Variants in CD226 observed in about 807,000 individuals in gnomAD.
CD226 encodes the protein CD226 antigen.
In CD226, 24 loss-of-function variants were observed where a neutral mutation model predicts 34.9. The ratio of observed to expected loss-of-function variants is 0.69; its 90% CI spans 0.50 to 0.97. The LOEUF is 0.97. Among genes scored for constraint, CD226 ranks in the 50% least tolerant of loss-of-function variants. The probability of loss-of-function intolerance (pLI) is 0.00; values close to 1 mark genes in which losing one functional copy is unlikely to be tolerated. For synonymous variants in CD226, 148 were observed against 147.4 expected, an observed-to-expected ratio of 1.00 and a Z score of -0.03; for missense variants, 397 against 412.7, an observed-to-expected ratio of 0.96 and a Z score of 0.33.
intron 2 of CD226, among the ~76,000 whole-genome samples, chr18:69,942,395 C>T (rs2055737020): frequency 6.6e-6 from 1 of 152,226 alleles, no homozygotes; most frequent in African/African-American, 2.4e-5. Context: ...TCCTAAAAGA[C>T]TGCAGCTAGT....
upstream of CD226, among the ~76,000 whole-genome samples, chr18:69,961,234 A>C (rs2055928260): frequency 6.6e-6 from 1 of 152,250 alleles, no homozygotes; most frequent in African/African-American, 2.4e-5. Context: ...TAAACAAAGA[A>C]ATTTGCTAAT....
intron 2 of CD226, among the ~76,000 whole-genome samples, chr18:69,942,210 C>T (rs1258116725): frequency 1.3e-5 from 2 of 152,222 alleles, no homozygotes; most frequent in Admixed American, 6.5e-5. Context: ...TAGACTAATA[C>T]ATCATGTGAG....
chr18:69,961,151 G>A (rs368893654), upstream of CD226, among the ~76,000 whole-genome samples: 6 of 152,142 alleles, frequency 3.9e-5, no homozygotes, highest in Non-Finnish European at 5.9e-5. Flanking sequence ...AAATTTACAC[G>A]TGTATGTATA....
chr18:69,924,692 C>CAAAAAAAAAAAAAA (rs56118102), intron 2 of CD226, among the ~76,000 whole-genome samples: 8 of 57,122 alleles, frequency 1.4e-4, no homozygotes, highest in Non-Finnish European at 2.2e-4. Context: ...AAGGTATTGC[C>CAAAAAAAAAAAAAA]AAAAAAAAAA....
At chr18:69,957,174 C>G (rs1480769427), upstream of CD226, 1 of 152,160 alleles carries the variant, frequency 6.6e-6, no homozygotes, top group African/African-American at 2.4e-5. Flanking sequence ...CTCCTTTGTT[C>G]TAGCTCTAAA....
chr18:69,907,125 C>G (rs1019920903), intron 2 of CD226, among the ~76,000 whole-genome samples: 1 of 152,312 alleles, frequency 6.6e-6, no homozygotes, highest in African/African-American at 2.4e-5. Context: ...CCTTCCCTTT[C>G]CAATCCAGAT....
chr18:69,959,310 T>G (rs2055918734), upstream of CD226, among the ~76,000 whole-genome samples: 1 of 152,170 alleles, frequency 6.6e-6, no homozygotes, highest in Non-Finnish European at 1.5e-5. Flanking sequence ...AGATTACCAC[T>G]CAGAGATCAA....
At chr18:69,944,868 T>A (rs1461724789) in intron 2 of CD226, among the ~76,000 whole-genome samples, 1 of 152,234 alleles carries the variant, frequency 6.6e-6, no homozygotes, top group Non-Finnish European at 1.5e-5. Flanking sequence ...AGAAACATTG[T>A]AAATTGACAC....
At chr18:69,891,244 TA>T (rs1259535786) in intron 3 of CD226, among the ~76,000 whole-genome samples, 2 of 151,046 alleles carry the variant, frequency 1.3e-5, no homozygotes, top group African/African-American at 4.9e-5. Context: ...ATCATCAAAA[TA>T]GAGCATAAAA....
intron 2 of CD226, among the ~76,000 whole-genome samples, chr18:69,944,236 A>G (rs1381236237): frequency 6.6e-6 from 1 of 152,220 alleles, no homozygotes; most frequent in Non-Finnish European, 1.5e-5. Flanking sequence ...TAAAATACAA[A>G]TAATCAAAAC....
chr18:69,959,163 TAATAA>T (rs1348016592), upstream of CD226, among the ~76,000 whole-genome samples: 4 of 152,196 alleles, frequency 2.6e-5, no homozygotes, highest in Non-Finnish European at 5.9e-5. Flanking sequence ...ACATGATCGA[TAATAA>T]ATTACAAAAC....
At chr18:69,922,908 G>C (rs187431536) in intron 2 of CD226, among the ~76,000 whole-genome samples, 1 of 152,274 alleles carries the variant, frequency 6.6e-6, no homozygotes, top group East Asian at 1.9e-4. Context: ...AAGGCAGGCA[G>C]ATCGCCTAAG....
In CD226 at chr18:69,858,718, C is replaced by CTTTTTTTTTTTTTTTTTTT. The variant is rs71178826; in HGVS notation, c.*5577_*5595dup. The CTTTTTTTTTTTTTTTTTTT allele has an allele frequency of 1.6e-4, 7 of 44,942 alleles. 2 individuals are homozygous for CTTTTTTTTTTTTTTTTTTT. The highest frequency in any genetic ancestry group is 7.5e-4 in the Admixed American group (2 of 2,654). 2.8% of individuals were successfully genotyped at this position (44,942 alleles called of 1,614,324 possible). A position where few individuals can be genotyped will look rare whatever the true frequency, so the allele number is the denominator to read the frequency against. On this transcript the variant is annotated 3_prime_UTR_variant, in exon 6 of 6. Coordinates refer to ENST00000582621, the MANE Select transcript of CD226 (RefSeq NM_001303618.2). ...GCCACCCCTATGTTCAAATACTTAA[C>CTTTTTTTTTTTTTTTTTTT]TTTTTTTTTTTTTTTTTTTTTTTTT...
At chr18:69,938,440 C>T (rs2055682099) in intron 2 of CD226, among the ~76,000 whole-genome samples, 2 of 152,164 alleles carry the variant, frequency 1.3e-5, no homozygotes, top group South Asian at 2.1e-4. Flanking sequence ...CTTAGTTAAC[C>T]CCATCCATCC....
chr18:69,901,002 T>C (rs532501021), intron 2 of CD226, among the ~76,000 whole-genome samples: 2 of 152,178 alleles, frequency 1.3e-5, no homozygotes, highest in South Asian at 4.1e-4. Flanking sequence ...CAGTACCACC[T>C]TGGAAGTCAT....
At chr18:69,892,046 A>C (rs1260595760) in intron 3 of CD226, among the ~76,000 whole-genome samples, 1 of 152,056 alleles carries the variant, frequency 6.6e-6, no homozygotes, top group African/African-American at 2.4e-5. Flanking sequence ...ACTCTTCATA[A>C]CCTGTTTCAT....
intron 2 of CD226, among the ~76,000 whole-genome samples, chr18:69,931,122 C>T (rs909897486): frequency 2.0e-5 from 3 of 152,062 alleles, no homozygotes; most frequent in Non-Finnish European, 2.9e-5. Context: ...TCTCAGCAAA[C>T]TATCACAAAG....
chr18:69,928,909 T>C (rs1417988023), intron 2 of CD226, among the ~76,000 whole-genome samples: 3 of 152,154 alleles, frequency 2.0e-5, no homozygotes, highest in South Asian at 2.1e-4. Flanking sequence ...CATGTTTGGC[T>C]GAAAAAAAGG....
intron 2 of CD226, among the ~76,000 whole-genome samples, chr18:69,945,530 T>A (rs549932016): frequency 6.6e-6 from 1 of 152,244 alleles, no homozygotes; most frequent in East Asian, 1.9e-4. Flanking sequence ...GAAGAAAGTG[T>A]CCTCTCTAGC....
Sources: allele counts gnomAD v4.1 joint callset (sites outside exome capture counted in the v4.1 genomes callset), GRCh38; gene constraint gnomAD v4.1.1; transcripts MANE v1.5; gene names NCBI Gene and HGNC (gene_info 2026-07-23, HGNC 2026-07-21).